Variants in CERS6 observed in about 807,000 individuals in gnomAD.
The protein encoded by CERS6 is ceramide synthase 6.
In CERS6, 26 loss-of-function variants were observed where a neutral mutation model predicts 56.8. That is an observed-to-expected ratio of 0.46 (90% CI 0.34 to 0.63). The LOEUF (loss-of-function observed/expected upper bound fraction) is 0.63, where lower values mean the gene tolerates loss of function less well. CERS6 is among the 30% of genes least tolerant of loss of function. The pLI, the probability that CERS6 is intolerant of heterozygous loss-of-function variation, is 0.01. For synonymous variants in CERS6, 164 were observed against 173.3 expected, an observed-to-expected ratio of 0.95 and a Z score of 0.42; for missense variants, 415 against 467.5, an observed-to-expected ratio of 0.89 and a Z score of 1.04.
At chr2:168,765,792 G>A (rs114643607) in intron 9 of CERS6, 44 bp downstream of exon 9, 4 of 1,559,622 alleles carry the variant, frequency 2.6e-6, no homozygotes, top group East Asian at 4.6e-5. Context: ...AAAAAATTTT[G>A]TTTTTGTAAT....
rs1232995738 is a variant in CERS6 at position 168,515,176 on chromosome 2, G to GT, written c.171-32418dup. Among the ~76,000 whole-genome samples the GT allele has an allele frequency of 3.9e-5, 6 of 152,086 alleles. No homozygotes were observed. In the East Asian group the frequency reaches 1.2e-3, roughly 29 times the overall value. ...ACTCATGTAATTATTTTACTGAATA[G>GT]TTCAGTTGTCTATATTTTAAGAATT... On this transcript the variant is annotated intron_variant, in intron 1 of 9. Transcript: ENST00000305747.
At chr2:168,718,059 G>GT (rs1687271005) in intron 8 of CERS6, 81 bp downstream of exon 8, 4 of 990,956 alleles carry the variant, frequency 4.0e-6, no homozygotes, top group Non-Finnish European at 6.2e-6. Flanking sequence ...GAATTTTACT[G>GT]TAAGTATTTA....
intron 8 of CERS6, among the ~76,000 whole-genome samples, chr2:168,759,561 T>C (rs115210433): frequency 0.014 from 2,165 of 152,286 alleles, 25 homozygotes; most frequent in African/African-American, 0.028. Flanking sequence ...TGAATACAAA[T>C]TCATCTGTGA....
At chr2:168,745,728 T>A (rs1052403713) in intron 8 of CERS6, among the ~76,000 whole-genome samples, 4 of 152,204 alleles carry the variant, frequency 2.6e-5, no homozygotes, top group Non-Finnish European at 5.9e-5. Context: ...TATGCCTATA[T>A]AATGATCCAG....
chr2:168,606,971 CAAG>C (rs1684067282), intron 3 of CERS6, among the ~76,000 whole-genome samples: 1 of 152,182 alleles, frequency 6.6e-6, no homozygotes, highest in Admixed American at 6.5e-5. Flanking sequence ...TGAGGCCTCT[CAAG>C]AAGCAGATGC....
In CERS6 at chr2:168,643,356, T is replaced by C. The variant is rs1685091775; in HGVS notation, c.465+12314T>C. ...ACCTAATTTATAATTTTGTTGTTGT[T>C]GTTGTCGGGTGGGGCTAGGCAGGAA... On this transcript the variant is annotated intron_variant, in intron 4 of 9. Coordinates refer to ENST00000305747, the MANE Select transcript of CERS6 (RefSeq NM_203463.3). 2.0e-5 allele frequency among the ~76,000 whole-genome samples: 3 copies of C among 152,320 alleles called. No homozygotes were observed. In the South Asian group the frequency reaches 6.2e-4, roughly 32 times the overall value.
At chr2:168,739,218 A>C (rs1447259121) in intron 8 of CERS6, among the ~76,000 whole-genome samples, 1 of 151,890 alleles carries the variant, frequency 6.6e-6, no homozygotes, top group African/African-American at 2.4e-5. Flanking sequence ...CTACAGTAGA[A>C]GTTTTGATGA....
intron 1 of CERS6, among the ~76,000 whole-genome samples, chr2:168,494,298 G>A (rs1694425040): frequency 6.6e-6 from 1 of 152,128 alleles, no homozygotes; most frequent in Non-Finnish European, 1.5e-5. Flanking sequence ...CTTTTATAGA[G>A]TGCAGTGGTT....
At chr2:168,462,361 A>T (rs1693794384) in intron 1 of CERS6, among the ~76,000 whole-genome samples, 1 of 151,974 alleles carries the variant, frequency 6.6e-6, no homozygotes, top group Non-Finnish European at 1.5e-5. Context: ...TAGCACAGTG[A>T]TCCTTTCATA....
At chr2:168,612,430 C>T (rs728183) in intron 3 of CERS6, among the ~76,000 whole-genome samples, 2,603 of 152,210 alleles carry the variant, frequency 0.017, 103 homozygotes, top group East Asian at 0.16. Context: ...CAGAGAAAAC[C>T]GCAGGAGGAT....
At chr2:168,669,046 AAC>A (rs1685841733) in intron 4 of CERS6, among the ~76,000 whole-genome samples, 1 of 152,194 alleles carries the variant, frequency 6.6e-6, no homozygotes, top group South Asian at 2.1e-4. Flanking sequence ...TTAGGTCTGG[AAC>A]ACCTAACAGT....
Position 168,774,717 on chromosome 2 carries a change from T to G in CERS6, c.*5055T>G, listed in dbSNP as rs1378241444. The G allele has an allele frequency of 1.3e-5, 2 of 152,142 alleles. No individual in the cohort carries two copies. Among genetic ancestry groups the G allele is most frequent in the African/African-American group, 2.4e-5 (1 of 41,394 alleles). 9.4% of individuals were successfully genotyped at this position (152,142 alleles called of 1,614,324 possible). A position where few individuals can be genotyped will look rare whatever the true frequency, so the allele number is the denominator to read the frequency against. On this transcript the variant is annotated 3_prime_UTR_variant, in exon 10 of 10. Transcript: ENST00000305747. ...TCTGAAACTTTAACTTAGAGCTTCA[T>G]TACTTTAAGAATGGAAAACAACCTC...
chr2:168,574,724 A>T (rs1683213885), intron 3 of CERS6, among the ~76,000 whole-genome samples: 1 of 152,174 alleles, frequency 6.6e-6, no homozygotes, highest in African/African-American at 2.4e-5. Flanking sequence ...TGCCAAATGA[A>T]TTGAATTCAC....
At chr2:168,504,841 G>GA (rs779193095) in intron 1 of CERS6, among the ~76,000 whole-genome samples, 3 of 152,112 alleles carry the variant, frequency 2.0e-5, no homozygotes, top group Non-Finnish European at 4.4e-5. Flanking sequence ...GGATTGAGGA[G>GA]ACCCTGCCTT....
intron 3 of CERS6, among the ~76,000 whole-genome samples, chr2:168,591,721 T>C (rs1037252539): frequency 6.6e-6 from 1 of 152,246 alleles, no homozygotes; most frequent in Admixed American, 6.5e-5. Flanking sequence ...TTAATTTGAT[T>C]GTTATAAAGA....
chr2:168,592,796 G>A (rs1559011995), intron 3 of CERS6, among the ~76,000 whole-genome samples: 1 of 152,196 alleles, frequency 6.6e-6, no homozygotes. Flanking sequence ...CTTCATGAAA[G>A]TGGCCCTTTT....
chr2:168,565,829 A>G (rs894111098), intron 3 of CERS6, among the ~76,000 whole-genome samples: 3 of 152,222 alleles, frequency 2.0e-5, no homozygotes, highest in African/African-American at 7.2e-5. Context: ...CAACTGAAAT[A>G]GAGAATTTCA....
chr2:168,719,962 G>A (rs1015433724), intron 8 of CERS6, among the ~76,000 whole-genome samples: 2 of 150,444 alleles, frequency 1.3e-5, no homozygotes, highest in African/African-American at 4.9e-5. Flanking sequence ...TTAAGACAGA[G>A]TCTTTCCCTG....
rs953753816 is a variant in CERS6 at position 168,720,050 on chromosome 2, C to T, written c.845+2072C>T. On this transcript the variant is annotated intron_variant, in intron 8 of 9. Coordinates refer to ENST00000305747, the MANE Select transcript of CERS6 (RefSeq NM_203463.3). ...TCCCAGGTTCAAGTGATTCTTCGGCCTCAAGTAGCTGAGACTACAGCACGC... is the reference window on the plus strand; with the variant it reads ...TCCCAGGTTCAAGTGATTCTTCGGCTTCAAGTAGCTGAGACTACAGCACGC... 2.7e-5 allele frequency among the ~76,000 whole-genome samples: 4 copies of T among 150,266 alleles called. No homozygotes were observed. In the Admixed American group the frequency reaches 2.7e-4, roughly 10 times the overall value.
Sources: gnomAD v4.1 joint callset for allele counts (sites outside exome capture counted in the v4.1 genomes callset) on GRCh38, gnomAD v4.1.1 for gene constraint, MANE v1.5 for transcripts, NCBI Gene and HGNC (gene_info 2026-07-23, HGNC 2026-07-21) for gene names.